DLG2: variants seen among roughly 807,000 people sequenced by gnomAD.
The protein encoded by DLG2 is discs large MAGUK scaffold protein 2, also known as disks large homolog 2.
A neutral mutation model predicts 132.5 loss-of-function variants in DLG2; 45 were observed. That is an observed-to-expected ratio of 0.34 (90% CI 0.27 to 0.44). The LOEUF (loss-of-function observed/expected upper bound fraction) is 0.44, where lower values mean the gene tolerates loss of function less well. Ranked by LOEUF, DLG2 falls within the 20% of genes least tolerant of loss-of-function variation. The pLI is 1.00. For missense variants in DLG2, 1,045 were observed against 1,196.9 expected, an observed-to-expected ratio of 0.87 and a Z score of 1.87; for synonymous variants, 424 against 419.6, an observed-to-expected ratio of 1.01 and a Z score of -0.13.
At chr11:84,797,383 T>C (rs972918179) in intron 6 of DLG2, among the ~76,000 whole-genome samples, 1 of 152,204 alleles carries the variant, frequency 6.6e-6, no homozygotes, top group African/African-American at 2.4e-5. Flanking sequence ...CTTATGAGGG[T>C]ATTTCTACAT....
chr11:85,109,583 C>T (rs894484062), intron 6 of DLG2, among the ~76,000 whole-genome samples: 2 of 152,050 alleles, frequency 1.3e-5, no homozygotes, highest in Non-Finnish European at 2.9e-5. Context: ...AATTTCCTTG[C>T]AACAAGACTG....
At chr11:84,114,860 G>T (rs2093557422) in intron 9 of DLG2, among the ~76,000 whole-genome samples, 1 of 147,014 alleles carries the variant, frequency 6.8e-6, no homozygotes, top group Admixed American at 6.9e-5. Flanking sequence ...TATAGAGACA[G>T]GGTTTTGCCA....
chr11:83,474,665 T>C (rs10898125), intron 22 of DLG2, among the ~76,000 whole-genome samples: 47,211 of 151,930 alleles, frequency 0.31, 7,612 homozygotes, highest in East Asian at 0.39. Flanking sequence ...GTGCTTAACA[T>C]AAAGAAAGAT....
intron 17 of DLG2, among the ~76,000 whole-genome samples, chr11:83,797,048 G>C (rs1003064944): frequency 6.6e-6 from 1 of 152,256 alleles, no homozygotes; most frequent in South Asian, 2.1e-4. Flanking sequence ...GGTTCTCACA[G>C]AGGGGGAGAT....
intron 6 of DLG2, chr11:85,021,239 G>C: frequency 1.6e-6 from 2 of 1,281,464 alleles, no homozygotes; most frequent in Non-Finnish European, 2.3e-6. Context: ...ACTACAGCCC[G>C]AGCAATAGGA....
At chr11:83,625,284 T>G (rs1043862898) in intron 19 of DLG2, among the ~76,000 whole-genome samples, 1 of 152,194 alleles carries the variant, frequency 6.6e-6, no homozygotes, top group Non-Finnish European at 1.5e-5. Context: ...TTGCCTTAAA[T>G]GTTCTCAAGA....
chr11:83,795,963 T>G (rs1055921436), intron 17 of DLG2, among the ~76,000 whole-genome samples: 9 of 152,332 alleles, frequency 5.9e-5, no homozygotes, highest in African/African-American at 2.2e-4. Flanking sequence ...AGAACATAGC[T>G]TCTCACTCTT....
intron 8 of DLG2, among the ~76,000 whole-genome samples, chr11:84,233,010 G>C (rs2097113114): frequency 6.6e-6 from 1 of 152,152 alleles, no homozygotes; most frequent in African/African-American, 2.4e-5. Flanking sequence ...AAAATGATAT[G>C]AACTTGGAAA....
intron 8 of DLG2, among the ~76,000 whole-genome samples, chr11:84,212,998 C>T (rs932778147): frequency 6.6e-6 from 1 of 152,126 alleles, no homozygotes; most frequent in Non-Finnish European, 1.5e-5. Context: ...AGATAGTTCC[C>T]GTCTGAAAAT....
intron 6 of DLG2, among the ~76,000 whole-genome samples, chr11:84,691,436 G>GA (rs1325032162): frequency 5.3e-5 from 8 of 151,490 alleles, no homozygotes; most frequent in Non-Finnish European, 8.9e-5. Flanking sequence ...TTAAATAAAT[G>GA]AAAAATCAGT....
chr11:84,412,453 C>T (rs190684593), intron 7 of DLG2, among the ~76,000 whole-genome samples: 5 of 152,126 alleles, frequency 3.3e-5, no homozygotes, highest in African/African-American at 7.2e-5. Context: ...AATGTTTGTT[C>T]ACTTACTCAG....
chr11:84,663,409 A>C (rs1265135885), intron 6 of DLG2, among the ~76,000 whole-genome samples: 1 of 152,072 alleles, frequency 6.6e-6, no homozygotes, highest in Non-Finnish European at 1.5e-5. Context: ...TGGTTATCTC[A>C]AACAAATTAG....
chr11:84,937,090 T>G (rs1364056328), intron 6 of DLG2, among the ~76,000 whole-genome samples: 4 of 152,148 alleles, frequency 2.6e-5, no homozygotes. Context: ...AGGCAGAGTT[T>G]GCAGTGAGCC....
At chr11:84,337,247 G>T (rs1389705862) in intron 7 of DLG2, among the ~76,000 whole-genome samples, 1 of 152,098 alleles carries the variant, frequency 6.6e-6, no homozygotes. Flanking sequence ...TCTTAACACA[G>T]CTAATAAAAG....
At chr11:84,714,543 T>TTCTCTCTC (rs367838730) in intron 6 of DLG2, among the ~76,000 whole-genome samples, 3 of 80,546 alleles carry the variant, frequency 3.7e-5, no homozygotes, top group African/African-American at 2.5e-4. Flanking sequence ...CTCTTTCTCT[T>TTCTCTCTC]TCTCTTTCTC....
intron 3 of DLG2, among the ~76,000 whole-genome samples, chr11:85,516,493 G>A (rs2153168139): frequency 6.6e-6 from 1 of 152,054 alleles, no homozygotes; most frequent in Middle Eastern, 3.4e-3. Context: ...TCAACCAAAT[G>A]AAAAGTTTGT....
intron 7 of DLG2, among the ~76,000 whole-genome samples, chr11:84,350,202 A>AT (rs1231667927): frequency 1.3e-3 from 188 of 147,872 alleles, no homozygotes; most frequent in African/African-American, 4.5e-3. Flanking sequence ...AAAAAAAAAA[A>AT]TCCAGGCTAA....
At chr11:83,998,411 T>G (rs930084877) in intron 11 of DLG2, among the ~76,000 whole-genome samples, 5 of 152,184 alleles carry the variant, frequency 3.3e-5, no homozygotes, top group Non-Finnish European at 7.3e-5. Flanking sequence ...ATAATCACAC[T>G]TCGTATAGTT....
At chr11:83,874,246 G>GGGAAGGAAGGAAAGAGAGAGGGAA (rs2064134554) in intron 16 of DLG2, among the ~76,000 whole-genome samples, 174 bp downstream of exon 16, 1 of 143,972 alleles carries the variant, frequency 6.9e-6, no homozygotes, top group Admixed American at 7.1e-5. Flanking sequence ...AAAGAAAGAA[G>GGGAAGGAAGGAAAGAGAGAGGGAA]GGAAGGAAGG....
Sources: allele counts gnomAD v4.1 joint callset (sites outside exome capture counted in the v4.1 genomes callset), GRCh38; gene constraint gnomAD v4.1.1; transcripts MANE v1.5; gene names NCBI Gene and HGNC (gene_info 2026-07-23, HGNC 2026-07-21).